The following FBN1 variants were observed in gnomAD, a reference collection of about 807,000 sequenced individuals.
The protein encoded by FBN1 is fibrillin-1.
In FBN1, 29 loss-of-function variants were observed where a neutral mutation model predicts 365.1. That is an observed-to-expected ratio of 0.08 (90% CI 0.06 to 0.11). The LOEUF (loss-of-function observed/expected upper bound fraction) is 0.11, where lower values mean the gene tolerates loss of function less well. Ranked by LOEUF, FBN1 falls within the 10% of genes least tolerant of loss-of-function variation. The probability of loss-of-function intolerance (pLI) is 1.00; values close to 1 mark genes in which losing one functional copy is unlikely to be tolerated. For missense variants in FBN1, 2,476 were observed against 3,703.2 expected, an observed-to-expected ratio of 0.67 and a Z score of 8.60; for synonymous variants, 1,210 against 1,270.5, an observed-to-expected ratio of 0.95 and a Z score of 1.01.
intron 58 of FBN1, 60 bp from the exon 59 acceptor site, chr15:48,425,924 AG>A: frequency 7.4e-7 from 1 of 1,346,340 alleles, no homozygotes; most frequent in Non-Finnish European, 1.1e-6. Context: ...ATTAATATGT[AG>A]GGGGTCACTT....
Position 48,600,124 on chromosome 15 carries a change from C to A in FBN1, c.442+15G>T, listed in dbSNP as rs369470506. 52 of 1,564,466 alleles carry A rather than the reference C, an allele frequency of 3.3e-5. No individual in the cohort carries two copies. The highest frequency in any genetic ancestry group is 4.5e-5 in the Non-Finnish European group (51 of 1,134,804). On this transcript the variant is annotated intron_variant, in intron 5 of 65. Transcript: ENST00000316623. ...AGGTTAACATCTAGAATACTTATAA[C>A]TACAGTGTACTTACGTTGTCCACAG...
At chr15:48,434,815 T>G in intron 53 of FBN1, 102 bp from the exon 54 acceptor site, 6 of 1,411,314 alleles carry the variant, frequency 4.3e-6, no homozygotes, top group Non-Finnish European at 5.9e-6. Context: ...GTTGTTGTTT[T>G]GAGACAGAGT....
At position 48,420,858 on chromosome 15, in the gene FBN1, G is replaced by A. The variant is rs773773625; in HGVS notation, c.7700-52C>T. 4.4e-6 allele frequency: 7 copies of A among 1,608,086 alleles called. No individual in the cohort carries two copies. In the East Asian group the frequency reaches 1.6e-4, roughly 36 times the overall value. ...TGCCAACTCAACATCTCTCTCTGAA[G>A]CCAGATGGATTCTAATAAGAAATCT... On this transcript the variant is annotated intron_variant, in intron 62 of 65. Transcript: ENST00000316623.
intron 60 of FBN1, among the ~76,000 whole-genome samples, chr15:48,422,337 A>AG (rs2042950605): frequency 1.3e-5 from 2 of 152,368 alleles, no homozygotes; most frequent in South Asian, 4.1e-4. Context: ...GAAATGCAGG[A>AG]ATTCCTCAAC....
In FBN1 at chr15:48,449,818, A is replaced by G. The variant is rs149789428; in HGVS notation, c.5546-925T>C. ...CATTTCGCTCTTAGTTAAATAATCC[A>G]GACTTGCCGTTTGCCTGCAATGTCT... On this transcript the variant is annotated intron_variant, in intron 45 of 65. Coordinates refer to ENST00000316623, the MANE Select transcript of FBN1 (RefSeq NM_000138.5). Among the ~76,000 whole-genome samples the G allele has an allele frequency of 9.2e-5, 14 of 152,336 alleles. No homozygotes were observed. The South Asian group carries it at 2.9e-3, about 32-fold the overall frequency.
At chr15:48,467,365 G>C (rs1334291979) in intron 38 of FBN1, among the ~76,000 whole-genome samples, 1 of 152,144 alleles carries the variant, frequency 6.6e-6, no homozygotes, top group Non-Finnish European at 1.5e-5. Context: ...ATAAGCAGTA[G>C]CCACTGAATT....
intron 45 of FBN1, among the ~76,000 whole-genome samples, chr15:48,449,988 A>G (rs916112299): frequency 6.6e-6 from 1 of 152,204 alleles, no homozygotes; most frequent in Admixed American, 6.5e-5. Context: ...GAATCATCAT[A>G]CCATTTAGAA....
chr15:48,467,456 A>G (rs965875524), intron 38 of FBN1, among the ~76,000 whole-genome samples: 36 of 152,230 alleles, frequency 2.4e-4, no homozygotes, highest in African/African-American at 7.0e-4. Context: ...TATTTTTAGG[A>G]GACATAGTTT....
intron 53 of FBN1, among the ~76,000 whole-genome samples, chr15:48,436,200 T>C (rs2043070768): frequency 6.6e-6 from 1 of 152,190 alleles, no homozygotes; most frequent in Non-Finnish European, 1.5e-5. Context: ...TCTTTAGAGC[T>C]GCAAAGGTAA....
At chr15:48,450,583 T>C (rs1469212514) in intron 45 of FBN1, among the ~76,000 whole-genome samples, 1 of 152,142 alleles carries the variant, frequency 6.6e-6, no homozygotes, top group Non-Finnish European at 1.5e-5. Context: ...AGGAAGTAGC[T>C]GGGAAGAAAC....
intron 5 of FBN1, among the ~76,000 whole-genome samples, chr15:48,599,800 G>T (rs2044547928): frequency 6.6e-6 from 1 of 152,220 alleles, no homozygotes; most frequent in Admixed American, 6.5e-5. Context: ...AAATCCAAGT[G>T]TTGAAGTTCA....
At chr15:48,634,838 CAA>C (rs750793468) in intron 2 of FBN1, among the ~76,000 whole-genome samples, 1,056 of 39,310 alleles carry the variant, frequency 0.027, 44 homozygotes, top group African/African-American at 0.12. Flanking sequence ...AAGAAGAAAC[CAA>C]AAAAAAAAAA....
At chr15:48,437,986 A>C (rs1038842128) in intron 50 of FBN1, 69 bp from the exon 51 acceptor site, 19 of 1,501,934 alleles carry the variant, frequency 1.3e-5, no homozygotes, top group Non-Finnish European at 1.6e-5. Flanking sequence ...ATAGCAAATA[A>C]AGAACAACCC....
chr15:48,462,961 T>C (rs2043290765), intron 42 of FBN1, 121 bp downstream of exon 42: 6 of 1,006,234 alleles, frequency 6.0e-6, no homozygotes, highest in Admixed American at 1.8e-5. Context: ...TCATGAGCCG[T>C]TTTTTTCCCT....
intron 27 of FBN1, 50 bp downstream of exon 27, chr15:48,488,063 C>T: frequency 1.2e-6 from 2 of 1,613,264 alleles, no homozygotes; most frequent in Non-Finnish European, 1.7e-6. Context: ...GCCATCAAAG[C>T]TTCATGGAAT....
chr15:48,477,459 G>A (rs2043429536), intron 32 of FBN1, among the ~76,000 whole-genome samples: 1 of 152,132 alleles, frequency 6.6e-6, no homozygotes, highest in Non-Finnish European at 1.5e-5. Context: ...TGTAACAATT[G>A]GAGAGACTTC....
intron 56 of FBN1, 130 bp downstream of exon 56, chr15:48,430,541 C>T (rs2043015604): frequency 5.1e-6 from 5 of 976,528 alleles, no homozygotes; most frequent in Non-Finnish European, 8.1e-6. Context: ...CATGGAGAGT[C>T]CTGACATGCG....
chr15:48,506,753 GA>G (rs2043711284), intron 15 of FBN1, among the ~76,000 whole-genome samples: 1 of 152,170 alleles, frequency 6.6e-6, no homozygotes. Context: ...AGGGCTAGGA[GA>G]AAATCTTACC....
rs149062442 is a variant in FBN1 at position 48,415,588 on chromosome 15, C to T, written c.7999G>A (p.Glu2667Lys). The T allele has an allele frequency of 2.5e-5, 40 of 1,614,068 alleles. No homozygotes were observed. The highest frequency in any genetic ancestry group is 8.0e-5 in the African/African-American group (6 of 74,922). Residue 2667 changes from glutamate to lysine, a missense_variant, in exon 64 of 66, where the codon GAG becomes AAG. By Grantham distance (56) the Glu-to-Lys change is moderately conservative. Transcript: ENST00000316623. ...GGACAGCCACACAGGTAACCGCCCT[C>T]GGTATTGGAACAGCCATAGCTGCAG... ...APCSYGCSNT[E>K]GGYLCGCPPG...
Sources: allele counts gnomAD v4.1 joint callset (sites outside exome capture counted in the v4.1 genomes callset), GRCh38; gene constraint gnomAD v4.1.1; transcripts MANE v1.5; gene names NCBI Gene and HGNC (gene_info 2026-07-23, HGNC 2026-07-21).